The following TLN2 variants were observed in gnomAD, a reference collection of about 807,000 sequenced individuals.
The protein encoded by TLN2 is talin 2.
A neutral mutation model predicts 294.7 loss-of-function variants in TLN2; 118 were observed. The observed-to-expected ratio is 0.40, with a 90% confidence interval of 0.34 to 0.47. TLN2 has a LOEUF of 0.47. Ranked by LOEUF, TLN2 falls within the 20% of genes least tolerant of loss-of-function variation. The pLI, the probability that TLN2 is intolerant of heterozygous loss-of-function variation, is 0.84. For missense variants in TLN2, 3,083 were observed against 3,282.2 expected (o/e 0.94, Z 1.48); for synonymous variants, 1,431 against 1,304.5 (o/e 1.10, Z -2.09).
chr15:62,465,447 G>T (rs1482914585), intron 1 of TLN2, among the ~76,000 whole-genome samples: 1 of 152,128 alleles, frequency 6.6e-6, no homozygotes, highest in Non-Finnish European at 1.5e-5. Flanking sequence ...CCCTAGTCAG[G>T]CCAGTTATAT....
intron 3 of TLN2, among the ~76,000 whole-genome samples, chr15:62,629,878 T>C (rs193114593): frequency 6.6e-6 from 1 of 152,186 alleles, no homozygotes; most frequent in South Asian, 2.1e-4. Context: ...ACATTGAAGC[T>C]TTGTGAAAAT....
At position 62,521,597 on chromosome 15, in the gene TLN2, G is replaced by A. The variant is rs192976911; in HGVS notation, c.-237-68090G>A. Among the ~76,000 whole-genome samples, 21 of 152,290 alleles carry A rather than the reference G, an allele frequency of 1.4e-4. No homozygotes were observed. In the East Asian group the frequency reaches 3.5e-3, roughly 25 times the overall value. On this transcript the variant is annotated intron_variant, in intron 1 of 58. Transcript: ENST00000636159. ...CTTGAGTTAAGATGAGGGGGGTTGT[G>A]AGGGTCAAGGTTCTTGTTTTGTTAT...
At chr15:62,400,423 T>C (rs1321048859) in intron 1 of TLN2, among the ~76,000 whole-genome samples, 1 of 152,276 alleles carries the variant, frequency 6.6e-6, no homozygotes, top group Non-Finnish European at 1.5e-5. Flanking sequence ...GTCATGTTAC[T>C]TAATTCTTGT....
chr15:62,400,537 CTA>C (rs373755147), intron 1 of TLN2, among the ~76,000 whole-genome samples: 7 of 152,122 alleles, frequency 4.6e-5, no homozygotes, highest in African/African-American at 1.4e-4. Flanking sequence ...TTTAAATAGT[CTA>C]TAATGAATTC....
chr15:62,823,017 G>A (rs1034227242), intron 54 of TLN2, among the ~76,000 whole-genome samples: 1 of 152,188 alleles, frequency 6.6e-6, no homozygotes, highest in Non-Finnish European at 1.5e-5. Flanking sequence ...GGATCATATA[G>A]CCTTTGTGTT....
chr15:62,765,546 C>G (rs555997098), intron 40 of TLN2, among the ~76,000 whole-genome samples: 1 of 152,098 alleles, frequency 6.6e-6, no homozygotes, highest in Non-Finnish European at 1.5e-5. Flanking sequence ...TGCACTGATG[C>G]ATTAATCCTG....
chr15:62,547,743 C>T (rs1053903967), intron 1 of TLN2, among the ~76,000 whole-genome samples: 2 of 152,182 alleles, frequency 1.3e-5, no homozygotes, highest in Non-Finnish European at 2.9e-5. Context: ...GGAAGGACTT[C>T]AGCAATCTGC....
chr15:62,499,937 G>GAAAC (rs1042594389), intron 1 of TLN2, among the ~76,000 whole-genome samples: 1 of 149,380 alleles, frequency 6.7e-6, no homozygotes, highest in Non-Finnish European at 1.5e-5. Context: ...AACAAGCAAA[G>GAAAC]AAACAAACAA....
chr15:62,625,336 G>C (rs2049187673), intron 3 of TLN2, among the ~76,000 whole-genome samples: 1 of 152,218 alleles, frequency 6.6e-6, no homozygotes, highest in Non-Finnish European at 1.5e-5. Context: ...GCTGTGGCCT[G>C]TTGTGGAGTC....
At chr15:62,719,672 G>A in intron 24 of TLN2, 95 bp from the exon 25 acceptor site, 1 of 972,424 alleles carries the variant, frequency 1.0e-6, no homozygotes, top group Non-Finnish European at 1.5e-6. Context: ...GGGAGTAGAT[G>A]GCACATCCAA....
At chr15:62,423,119 T>C (rs2034506353) in intron 1 of TLN2, among the ~76,000 whole-genome samples, 1 of 152,102 alleles carries the variant, frequency 6.6e-6, no homozygotes. Context: ...TGGGACCTGG[T>C]GCGGTGGCTC....
intron 1 of TLN2, among the ~76,000 whole-genome samples, chr15:62,437,312 C>T (rs2035331421): frequency 6.6e-6 from 1 of 152,088 alleles, no homozygotes; most frequent in Non-Finnish European, 1.5e-5. Flanking sequence ...ATACAAGTTT[C>T]ATCTTTAGTT....
At position 62,652,148 on chromosome 15, in the gene TLN2, C is replaced by T. The variant is rs772016510; in HGVS notation, c.364+14C>T. ...GTAGCAGAATAGGTGAGCATTCATA[C>T]ACCTTCATTATGTCTTTTTGCTTAG... On this transcript the variant is annotated intron_variant, in intron 6 of 58. Transcript: ENST00000636159. 2.0e-6 allele frequency: 3 copies of T among 1,532,748 alleles called. No individual in the cohort carries two copies. Among genetic ancestry groups the T allele is most frequent in the South Asian group, 2.7e-5 (2 of 74,270 alleles). The allele number at this position is 1,532,748 out of a possible 1,614,324, so 94.9% of individuals were successfully genotyped here.
At chr15:62,697,267 G>A (rs749377308) in intron 14 of TLN2, among the ~76,000 whole-genome samples, 9 of 151,876 alleles carry the variant, frequency 5.9e-5, no homozygotes, top group Admixed American at 6.6e-5. Context: ...ACCACCACTC[G>A]GGACTGAGTT....
chr15:62,691,105 T>G (rs1399867243), intron 12 of TLN2, among the ~76,000 whole-genome samples: 1 of 151,502 alleles, frequency 6.6e-6, no homozygotes, highest in Non-Finnish European at 1.5e-5. Flanking sequence ...CTATTTGGAG[T>G]TCACTCAGCT....
intron 54 of TLN2, chr15:62,823,877 G>A (rs1290145257): frequency 1.3e-5 from 6 of 461,474 alleles, no homozygotes; most frequent in African/African-American, 4.1e-5. Flanking sequence ...CGGAGTTGCT[G>A]CAAAAGTGAC....
chr15:62,824,933 A>G lies in TLN2; in HGVS notation c.7002+4323A>G, dbSNP rs1182715417. On this transcript the variant is annotated intron_variant, in intron 54 of 58. Transcript: ENST00000636159. ...TTTGGAGGAGAAAAGGTGTAAGCAAATGGTTTAAACAGGTAGTCATGAAAG... is the reference window on the plus strand; with the variant it reads ...TTTGGAGGAGAAAAGGTGTAAGCAAGTGGTTTAAACAGGTAGTCATGAAAG... 3.3e-5 allele frequency among the ~76,000 whole-genome samples: 5 copies of G among 152,196 alleles called. No homozygotes were observed. The East Asian group carries it at 9.6e-4, about 29-fold the overall frequency.
intron 1 of TLN2, among the ~76,000 whole-genome samples, chr15:62,488,858 G>A (rs1438903762): frequency 1.3e-5 from 2 of 152,134 alleles, no homozygotes; most frequent in African/African-American, 4.8e-5. Context: ...CACATGCCGT[G>A]AATGGTTAAA....
At chr15:62,636,259 TA>T (rs2050372709) in intron 3 of TLN2, among the ~76,000 whole-genome samples, 3 of 151,102 alleles carry the variant, frequency 2.0e-5, no homozygotes, top group African/African-American at 7.4e-5. Context: ...AATAGATAGA[TA>T]GATAGATAGA....
Sources: gnomAD v4.1 joint callset for allele counts (sites outside exome capture counted in the v4.1 genomes callset) on GRCh38, gnomAD v4.1.1 for gene constraint, MANE v1.5 for transcripts, NCBI Gene and HGNC (gene_info 2026-07-23, HGNC 2026-07-21) for gene names.